ARHGEF3: variants seen among roughly 807,000 people sequenced by gnomAD.
The protein encoded by ARHGEF3 is 59.8 kDA protein.
Under a neutral mutation model 63.2 loss-of-function variants are expected in ARHGEF3, and 28 were observed. That is an observed-to-expected ratio of 0.44 (90% CI 0.33 to 0.61). The LOEUF (loss-of-function observed/expected upper bound fraction) is 0.61, where lower values mean the gene tolerates loss of function less well. Ranked by LOEUF, ARHGEF3 falls within the 20% of genes least tolerant of loss-of-function variation. The pLI is 0.03. For synonymous variants in ARHGEF3, 266 were observed against 254.2 expected (o/e 1.05, Z -0.44); for missense variants, 533 against 659.3 (o/e 0.81, Z 2.10).
At chr3:57,028,490 AATG>A (rs1703570902) in intron 2 of ARHGEF3, among the ~76,000 whole-genome samples, 1 of 105,864 alleles carries the variant, frequency 9.4e-6, no homozygotes, top group South Asian at 4.0e-4. Context: ...GGAATTGAAC[AATG>A]AGATCACATG....
rs561416543 is a variant in ARHGEF3 at position 56,753,693 on chromosome 3, T to C, written c.376-127A>G. ...TTAAGTATTTTAAGTTACGTTAACC[T>C]GAAGCAAATGCATCTATGCTTAAAC... On this transcript the variant is annotated intron_variant, in intron 3 of 9. Coordinates refer to ENST00000296315, the MANE Select transcript of ARHGEF3 (RefSeq NM_019555.3). The C allele has an allele frequency of 1.2e-4, 92 of 745,432 alleles. No individual in the cohort carries two copies. In the African/African-American group the frequency reaches 1.5e-3, roughly 12 times the overall value. 46.2% of individuals were successfully genotyped at this position (745,432 alleles called of 1,614,324 possible).
chr3:57,075,373 T>C (rs911831836), intron 1 of ARHGEF3: 2 of 167,122 alleles, frequency 1.2e-5, no homozygotes, highest in Admixed American at 6.5e-5. Flanking sequence ...ACCAGGGCAA[T>C]GCCTCGCACA....
At chr3:57,015,908 C>T (rs1168219173) in intron 2 of ARHGEF3, among the ~76,000 whole-genome samples, 1 of 152,110 alleles carries the variant, frequency 6.6e-6, no homozygotes, top group Non-Finnish European at 1.5e-5. Flanking sequence ...AATTCCCAAG[C>T]AGCACTGGCA....
At chr3:56,850,620 TCTGTTTAA>T in intron 4 of ARHGEF3, among the ~76,000 whole-genome samples, 1 of 152,352 alleles carries the variant, frequency 6.6e-6, no homozygotes, top group East Asian at 1.9e-4. Flanking sequence ...CCCTCTAAGT[TCTGTTTAA>T]CTCATGGTAT....
chr3:56,736,797 T>C (rs943492032), intron 8 of ARHGEF3, among the ~76,000 whole-genome samples: 9 of 152,120 alleles, frequency 5.9e-5, no homozygotes, highest in Non-Finnish European at 1.2e-4. Context: ...GCAATTTTTG[T>C]TTGAAAGAAC....
intron 3 of ARHGEF3, among the ~76,000 whole-genome samples, chr3:56,891,007 C>A (rs543835484): frequency 4.9e-4 from 74 of 152,130 alleles, no homozygotes; most frequent in Non-Finnish European, 7.4e-4. Context: ...TCTTTCTTTG[C>A]GGAAAGATTA....
At chr3:56,949,789 T>A (rs1432736848) in intron 3 of ARHGEF3, among the ~76,000 whole-genome samples, 12 of 152,140 alleles carry the variant, frequency 7.9e-5, no homozygotes. Context: ...ACTTTAAAGT[T>A]CATATGGAAC....
chr3:56,970,302 CAT>C (rs2106841256), intron 2 of ARHGEF3, among the ~76,000 whole-genome samples: 1 of 152,112 alleles, frequency 6.6e-6, no homozygotes, highest in South Asian at 2.1e-4. Flanking sequence ...ATAAAAGAAA[CAT>C]ATTTAATGGA....
chr3:56,809,683 A>G (rs1162640358), intron 4 of ARHGEF3, among the ~76,000 whole-genome samples: 1 of 152,088 alleles, frequency 6.6e-6, no homozygotes, highest in Non-Finnish European at 1.5e-5. Context: ...TTTGGGGGTT[A>G]AGGATTCAAT....
chr3:56,810,938 G>A (rs2038042375), intron 4 of ARHGEF3, among the ~76,000 whole-genome samples: 1 of 152,220 alleles, frequency 6.6e-6, no homozygotes, highest in Non-Finnish European at 1.5e-5. Flanking sequence ...CCCAGCCACA[G>A]GCTAGAAATG....
intron 4 of ARHGEF3, among the ~76,000 whole-genome samples, chr3:56,814,304 A>AT (rs376758549): frequency 4.2e-4 from 64 of 151,946 alleles, no homozygotes; most frequent in South Asian, 6.2e-4. Context: ...TTTTTTTGCG[A>AT]TTTTTTTTAA....
intron 1 of ARHGEF3, among the ~76,000 whole-genome samples, chr3:56,793,304 G>A (rs2037183541): frequency 6.6e-6 from 1 of 152,146 alleles, no homozygotes; most frequent in African/African-American, 2.4e-5. Context: ...CGAGTAGCTG[G>A]GGCTACAGGT....
At chr3:56,872,108 T>C (rs994101616) in intron 4 of ARHGEF3, among the ~76,000 whole-genome samples, 1 of 152,258 alleles carries the variant, frequency 6.6e-6, no homozygotes, top group African/African-American at 2.4e-5. Context: ...TAAATATTTT[T>C]ATAACTATAT....
intron 2 of ARHGEF3, among the ~76,000 whole-genome samples, chr3:56,961,246 A>G (rs1165681615): frequency 6.6e-6 from 1 of 152,268 alleles, no homozygotes; most frequent in East Asian, 1.9e-4. Flanking sequence ...TAAATAAATA[A>G]TCTTACATCA....
intron 3 of ARHGEF3, among the ~76,000 whole-genome samples, chr3:56,931,694 A>G: frequency 6.6e-6 from 1 of 151,630 alleles, no homozygotes; most frequent in East Asian, 1.9e-4. Context: ...AGGCTGCCAT[A>G]TTAGGTATTT....
intron 4 of ARHGEF3, among the ~76,000 whole-genome samples, chr3:56,870,295 G>C (rs569789854): frequency 3.3e-5 from 5 of 152,244 alleles, no homozygotes; most frequent in African/African-American, 1.2e-4. Context: ...TGATAAAAAA[G>C]TAGCGAATTA....
chr3:56,874,803 C>T lies in ARHGEF3; in HGVS notation c.192+7489G>A, dbSNP rs554574122. On this transcript the variant is annotated intron_variant, in intron 4 of 12. Coordinates refer to the ARHGEF3 transcript ENST00000338458. ...AGGTGGTGTGGGGAGGCTGTGGAAT[C>T]GAACCATCCTGGGCTTAAATTTACA... Among the ~76,000 whole-genome samples, 126 of 152,240 alleles carry T rather than the reference C, an allele frequency of 8.3e-4. 1 individual carries two copies. The highest frequency in any genetic ancestry group is 4.2e-4 in the South Asian group (2 of 4,814).
chr3:57,033,320 C>T (rs1028407157), intron 2 of ARHGEF3, among the ~76,000 whole-genome samples: 2 of 150,800 alleles, frequency 1.3e-5, no homozygotes, highest in African/African-American at 4.9e-5. Flanking sequence ...ACCATAAGGG[C>T]AACAAACAGA....
At chr3:57,006,847 C>A (rs1579073229) in intron 2 of ARHGEF3, among the ~76,000 whole-genome samples, 1 of 152,168 alleles carries the variant, frequency 6.6e-6, no homozygotes. Context: ...ACAGGAGTCT[C>A]CCTCCTGACA....
Sources: gnomAD v4.1 joint callset for allele counts (sites outside exome capture counted in the v4.1 genomes callset) on GRCh38, gnomAD v4.1.1 for gene constraint, MANE v1.5 for transcripts, NCBI Gene and HGNC (gene_info 2026-07-23, HGNC 2026-07-21) for gene names.